SLC38A4: variants seen among roughly 807,000 people sequenced by gnomAD.
SLC38A4 encodes the protein sodium-coupled neutral amino acid transporter 4.
A neutral mutation model predicts 63.1 loss-of-function variants in SLC38A4; 20 were observed. The observed-to-expected ratio is 0.32, with a 90% CI of 0.22 to 0.46. The LOEUF is 0.46. Among genes scored for constraint, SLC38A4 ranks in the 20% least tolerant of loss-of-function variants. The probability of loss-of-function intolerance (pLI) is 1.00; values close to 1 mark genes in which losing one functional copy is unlikely to be tolerated. For missense variants in SLC38A4, 526 were observed against 663.6 expected (o/e 0.79, Z 2.28); for synonymous variants, 230 against 225.5 (o/e 1.02, Z -0.18).
In SLC38A4 at chr12:46,780,036, A is replaced by C. The variant is rs1938607942; in HGVS notation, c.494-6T>G. 6.2e-7 allele frequency: 1 copy of C among 1,607,044 alleles called. No individual in the cohort carries two copies. Among genetic ancestry groups the C allele is most frequent in the African/African-American group, 1.3e-5 (1 of 74,666 alleles). ...AAAGAGGTAGCTTGACATTGCTAAA[A>C]TGGAAAATGTGACAGCTTAATGGTG... is the stretch of plus-strand genomic sequence containing the variant. On this transcript the variant is annotated splice_polypyrimidine_tract_variant and splice_region_variant and intron_variant, in intron 7 of 16. Transcript: ENST00000266579.
chr12:46,792,997 A>G lies in SLC38A4; in HGVS notation c.75T>C (p.Asp25=), dbSNP rs776153356. 1.2e-6 allele frequency: 2 copies of G among 1,613,314 alleles called. No individual in the cohort carries two copies. The highest frequency in any genetic ancestry group is 2.2e-5 in the East Asian group (1 of 44,834). Residue 25 remains aspartate (D), a synonymous_variant, in exon 3 of 17, where the codon GAT becomes GAC. Coordinates refer to ENST00000266579, the MANE Select transcript of SLC38A4 (RefSeq NM_018018.5). ...DESSSGESAP[D]SYIGIGNSEK... The stretch of plus-strand genomic sequence containing the variant: ...CTGAATTTCCTATCCCGATGTAGCT[A>G]TCTGGAGCACTTTCTCCACTGCTGC...
chr12:46,809,786 G>A (rs1188772671), intron 1 of SLC38A4, among the ~76,000 whole-genome samples: 1 of 152,044 alleles, frequency 6.6e-6, no homozygotes, highest in Non-Finnish European at 1.5e-5. Flanking sequence ...GCAGCAGAGG[G>A]CAGACTTTGG....
At position 46,778,364 on chromosome 12, in the gene SLC38A4, G is replaced by C; in HGVS notation, c.998C>G (p.Ala333Gly). 1 of 1,612,606 alleles carries C rather than the reference G, an allele frequency of 6.2e-7. No individual in the cohort carries two copies. The highest frequency in any genetic ancestry group is 8.5e-7 in the Non-Finnish European group (1 of 1,179,140). The change falls in exon 12 of 17, where the codon GCC becomes GGC. Residue 333 changes from alanine (A) to glycine (G), a missense_variant. Ala to Gly is a moderately conservative substitution (Grantham distance 60, BLOSUM62 0). Transcript: ENST00000266579. ...PKYFVFNSRT[A>G]YAIPILVFAF... Reference sequence around the variant, plus strand: ...AAATACTAGGATAGGAATTGCATAGGCCGTCTGAAAAACAAAGACAACACC... The same window carrying C: ...AAATACTAGGATAGGAATTGCATAGCCCGTCTGAAAAACAAAGACAACACC...
intron 1 of SLC38A4, among the ~76,000 whole-genome samples, chr12:46,815,391 C>T (rs1276549029): frequency 4.6e-5 from 7 of 150,658 alleles, no homozygotes; most frequent in African/African-American, 7.3e-5. Context: ...ACTTTTTGCT[C>T]GTTATTCAAC....
At chr12:46,801,265 A>T (rs1485522870) in intron 2 of SLC38A4, among the ~76,000 whole-genome samples, 1 of 152,140 alleles carries the variant, frequency 6.6e-6, no homozygotes, top group Non-Finnish European at 1.5e-5. Context: ...ATTATTAAAC[A>T]TTGTAATGTC....
intron 15 of SLC38A4, among the ~76,000 whole-genome samples, chr12:46,769,004 C>G (rs1235652691): frequency 6.6e-6 from 1 of 152,026 alleles, no homozygotes; most frequent in Admixed American, 6.6e-5. Flanking sequence ...AAGTCCAAAT[C>G]CTGGGTCCAC....
chr12:46,800,911 A>G (rs1254937071), intron 2 of SLC38A4, among the ~76,000 whole-genome samples: 5 of 152,172 alleles, frequency 3.3e-5, no homozygotes, highest in Non-Finnish European at 5.9e-5. Flanking sequence ...CTCTCCTCTG[A>G]TTGTCAGGAG....
chr12:46,810,411 A>T (rs2120888687), intron 1 of SLC38A4, among the ~76,000 whole-genome samples: 1 of 152,002 alleles, frequency 6.6e-6, no homozygotes, highest in East Asian at 1.9e-4. Context: ...TAGGGGAGGG[A>T]TAATTACATT....
Position 46,775,212 on chromosome 12 carries a change from T to C in SLC38A4, c.1175-39A>G, listed in dbSNP as rs376783909. ...AAGAGAATGAAACCGCTTGGTGTTGTCAAATCAGCACAGGTCACTTATGGC... is the reference window on the plus strand; with the variant it reads ...AAGAGAATGAAACCGCTTGGTGTTGCCAAATCAGCACAGGTCACTTATGGC... On this transcript the variant is annotated intron_variant, in intron 13 of 16. Transcript: ENST00000266579. 4 of 1,600,422 alleles carry C rather than the reference T, an allele frequency of 2.5e-6. No individual in the cohort carries two copies. In the African/African-American group the frequency reaches 5.4e-5, roughly 21 times the overall value.
intron 1 of SLC38A4, among the ~76,000 whole-genome samples, chr12:46,807,138 C>T (rs1939250043): frequency 1.3e-5 from 2 of 152,006 alleles, no homozygotes; most frequent in South Asian, 4.1e-4. Context: ...TTGGTTGTAG[C>T]CAAATTGGAA....
upstream of SLC38A4, among the ~76,000 whole-genome samples, chr12:46,829,979 C>A (rs1939707570): frequency 6.6e-6 from 1 of 152,116 alleles, no homozygotes; most frequent in Non-Finnish European, 1.5e-5. Flanking sequence ...TACTTAGAAA[C>A]ATATAATGTA....
At chr12:46,783,197 T>A (rs537009940) in intron 7 of SLC38A4, among the ~76,000 whole-genome samples, 2 of 150,956 alleles carry the variant, frequency 1.3e-5, no homozygotes, top group African/African-American at 4.9e-5. Context: ...ACAGGACATG[T>A]AGGGTATAGA....
intron 15 of SLC38A4, 31 bp downstream of exon 15, chr12:46,769,252 GT>G: frequency 6.2e-7 from 1 of 1,611,426 alleles, no homozygotes; most frequent in African/African-American, 1.3e-5. Context: ...GTGAGTTTGG[GT>G]TGACCAAATT....
chr12:46,825,313 T>TTATATATATATATATATATATATACA, intron 1 of SLC38A4, among the ~76,000 whole-genome samples: 1 of 140,510 alleles, frequency 7.1e-6, no homozygotes, highest in East Asian at 2.2e-4. Flanking sequence ...TATACAAAGT[T>TTATATATATATATATATATATATACA]TATATATATA....
intron 2 of SLC38A4, among the ~76,000 whole-genome samples, chr12:46,794,917 T>A (rs1430199486): frequency 6.6e-6 from 1 of 151,538 alleles, no homozygotes; most frequent in Admixed American, 6.6e-5. Flanking sequence ...CCTAAATGTA[T>A]ATACATAAAA....
At chr12:46,822,206 T>C (rs976309769) in intron 1 of SLC38A4, among the ~76,000 whole-genome samples, 30 of 152,144 alleles carry the variant, frequency 2.0e-4, no homozygotes, top group African/African-American at 7.2e-4. Flanking sequence ...CACGTACACA[T>C]AGGGTTCCAA....
intron 5 of SLC38A4, 78 bp from the exon 6 acceptor site, chr12:46,785,255 G>T (rs1381100629): frequency 8.7e-7 from 1 of 1,148,086 alleles, no homozygotes; most frequent in Non-Finnish European, 1.3e-6. Context: ...TACAATAAAG[G>T]ATCACATTAA....
chr12:46,782,681 G>T (rs1415241417), intron 7 of SLC38A4, among the ~76,000 whole-genome samples: 2 of 151,504 alleles, frequency 1.3e-5, no homozygotes, highest in Non-Finnish European at 2.9e-5. Context: ...GGATATGGAA[G>T]CAGAGAACCA....
chr12:46,813,274 G>A (rs1353521928), intron 1 of SLC38A4, among the ~76,000 whole-genome samples: 1 of 151,942 alleles, frequency 6.6e-6, no homozygotes, highest in East Asian at 1.9e-4. Flanking sequence ...ATCTATGTCT[G>A]TATTTATATT....
Sources: gnomAD v4.1 joint callset for allele counts (sites outside exome capture counted in the v4.1 genomes callset) on GRCh38, gnomAD v4.1.1 for gene constraint, MANE v1.5 for transcripts, NCBI Gene and HGNC (gene_info 2026-07-23, HGNC 2026-07-21) for gene names.